ZNF98: variants seen among roughly 807,000 people sequenced by gnomAD.
The protein encoded by ZNF98 is zinc finger protein 739.
ZNF98 carries 8 observed loss-of-function variants against 12.8 expected under a neutral mutation model. That is an observed-to-expected ratio of 0.63 (90% confidence interval 0.37 to 1.13). The LOEUF (loss-of-function observed/expected upper bound fraction) is 1.13, where lower values mean the gene tolerates loss of function less well. ZNF98 is among the 50% of genes most tolerant of loss of function. ZNF98 has a pLI of 0.01. For missense variants in ZNF98, 379 were observed against 666.1 expected, an observed-to-expected ratio of 0.57 and a Z score of 4.74; for synonymous variants, 112 against 223.5, an observed-to-expected ratio of 0.50 and a Z score of 4.45.
rs1181636522 is a variant in ZNF98, at chr19:22,391,071, A to G, written c.*445T>C. The G allele has an allele frequency of 1.3e-5, 2 of 155,732 alleles. No individual in the cohort carries two copies. The highest frequency in any genetic ancestry group is 4.8e-5 in the African/African-American group (2 of 41,522). The allele number at this position is 155,732 out of a possible 1,614,324, so 9.6% of individuals were successfully genotyped here. On this transcript the variant is annotated 3_prime_UTR_variant, in exon 4 of 4. Transcript: ENST00000357774. ...TTTACAGGGTTTTTCTTTGATATAA[A>G]TTCTCTGATGTTGAACAAAGTTTGA...
At chr19:22,417,707 C>T (rs1478595242) in intron 1 of ZNF98, among the ~76,000 whole-genome samples, 6 of 152,038 alleles carry the variant, frequency 3.9e-5, no homozygotes, top group Admixed American at 1.3e-4. Context: ...CTTGTAGACA[C>T]TTTTGTAGGT....
rs1969564977 is a variant in ZNF98, at chr19:22,410,101, A to G, written c.31-6589T>C. On this transcript the variant is annotated intron_variant, in intron 1 of 3. Transcript: ENST00000357774. ...TGGTAATTATTAAAAAGTCAGAAAC[A>G]ATAGATGCTGGTGAGGCTGTGAAGA... is the stretch of plus-strand genomic sequence containing the variant. 2.6e-5 allele frequency among the ~76,000 whole-genome samples: 4 copies of G among 152,260 alleles called. No homozygotes were observed. In the South Asian group the frequency reaches 8.3e-4, roughly 32 times the overall value.
intron 1 of ZNF98, among the ~76,000 whole-genome samples, chr19:22,411,349 T>C (rs1568295493): frequency 6.6e-6 from 1 of 152,226 alleles, no homozygotes; most frequent in Non-Finnish European, 1.5e-5. Flanking sequence ...TGCTTTTGCA[T>C]TGTAAGTACT....
chr19:22,399,915 A>C (rs1293669261), intron 3 of ZNF98, among the ~76,000 whole-genome samples: 2 of 152,208 alleles, frequency 1.3e-5, no homozygotes, highest in African/African-American at 4.8e-5. Flanking sequence ...GTCATGTAGC[A>C]AGAACCCATC....
At chr19:22,414,413 G>A (rs758376842) in intron 1 of ZNF98, among the ~76,000 whole-genome samples, 14 of 151,860 alleles carry the variant, frequency 9.2e-5, no homozygotes, top group Non-Finnish European at 2.1e-4. Context: ...ATGGTACCAA[G>A]AAAGGGCCCA....
At chr19:22,398,433 A>G (rs1343262084) in intron 3 of ZNF98, among the ~76,000 whole-genome samples, 5 of 151,574 alleles carry the variant, frequency 3.3e-5, no homozygotes, top group Admixed American at 2.0e-4. Flanking sequence ...TGGCACAATT[A>G]CAGCTCACTG....
At chr19:22,418,293 C>A (rs1269439072) in intron 1 of ZNF98, among the ~76,000 whole-genome samples, 4 of 151,920 alleles carry the variant, frequency 2.6e-5, no homozygotes, top group African/African-American at 9.7e-5. Flanking sequence ...GAGCTACTCG[C>A]AGAACTCAGC....
chr19:22,417,484 G>A (rs1424491309), intron 1 of ZNF98, among the ~76,000 whole-genome samples: 1 of 152,174 alleles, frequency 6.6e-6, no homozygotes, highest in Non-Finnish European at 1.5e-5. Context: ...AAGTTAAAAA[G>A]AATAAAAATC....
At chr19:22,406,319 G>A (rs1969518075) in intron 1 of ZNF98, among the ~76,000 whole-genome samples, 1 of 151,950 alleles carries the variant, frequency 6.6e-6, no homozygotes, top group Non-Finnish European at 1.5e-5. Context: ...ATCTCCAGGT[G>A]CAGGAGTGAA....
chr19:22,404,757 A>G (rs1450366319), intron 1 of ZNF98, among the ~76,000 whole-genome samples: 1 of 152,224 alleles, frequency 6.6e-6, no homozygotes, highest in Non-Finnish European at 1.5e-5. Flanking sequence ...TAGTGATTTT[A>G]AGTAGTCTTT....
chr19:22,403,114 G>A (rs951208268), intron 2 of ZNF98, among the ~76,000 whole-genome samples: 2 of 151,924 alleles, frequency 1.3e-5, no homozygotes, highest in African/African-American at 4.8e-5. Flanking sequence ...ATTTTAAGAT[G>A]TGGGCAACAG....
chr19:22,415,929 C>T (rs1417044191), intron 1 of ZNF98, among the ~76,000 whole-genome samples: 1 of 97,162 alleles, frequency 1.0e-5, no homozygotes, highest in Non-Finnish European at 2.1e-5. Context: ...CCCGTTCCTA[C>T]TTAAAAAAAA....
intron 1 of ZNF98, among the ~76,000 whole-genome samples, chr19:22,416,327 G>A (rs1022391865): frequency 5.0e-4 from 76 of 151,770 alleles, no homozygotes; most frequent in African/African-American, 1.7e-3. Flanking sequence ...AAAATTAGCC[G>A]GGCGTGGTGG....
At chr19:22,395,178 GAAAAAA>G (rs71180538) in intron 3 of ZNF98, among the ~76,000 whole-genome samples, 5 of 99,874 alleles carry the variant, frequency 5.0e-5, no homozygotes, top group Non-Finnish European at 7.7e-5. Flanking sequence ...GTTTCAAAAA[GAAAAAA>G]AAAAAAAAAA....
chr19:22,413,905 A>G (rs1969609149), intron 1 of ZNF98, among the ~76,000 whole-genome samples: 1 of 148,544 alleles, frequency 6.7e-6, no homozygotes, highest in African/African-American at 2.6e-5. Context: ...CAGAGATGAC[A>G]CAAACAAATG....
chr19:22,422,111 G>A lies in ZNF98; in HGVS notation c.30+84C>T, dbSNP rs1969711266. 1.8e-5 allele frequency: 28 copies of A among 1,546,668 alleles called. 1 individual carries two copies. In the South Asian group the frequency reaches 2.2e-4, roughly 12 times the overall value. On this transcript the variant is annotated intron_variant, in intron 1 of 3. Transcript: ENST00000357774. ...CGGATTGTGGAGCTGACAGCGGGGA[G>A]GCCTGAGTCCCGCCACAGCCTCTTC...
At chr19:22,399,504 G>A (rs1969433540) in intron 3 of ZNF98, among the ~76,000 whole-genome samples, 1 of 152,128 alleles carries the variant, frequency 6.6e-6, no homozygotes, top group Non-Finnish European at 1.5e-5. Context: ...CAGGGCCTCT[G>A]ATATATAAAA....
At position 22,392,979 on chromosome 19, in the gene ZNF98, C is replaced by T. The variant is rs200364884; in HGVS notation, c.256G>A (p.Val86Ile). Residue 86 changes from valine (V) to isoleucine (I), a missense_variant and splice_region_variant, in exon 4 of 4, where the codon GTA becomes ATA. This residue lies in a region of ZNF98 where 223 missense variants were observed against 261.6 expected (regional missense o/e 0.85). Transcript: ENST00000357774. ...RHEMVTEPPV[V>I]YSYFAQDLWP... ...AGGTCTTGGGCAAAATAAGAATATA[C>T]AACTGAAAGAAATAAAAATAATAAA... 4 of 1,500,504 alleles carry T rather than the reference C, an allele frequency of 2.7e-6. No homozygotes were observed. The highest frequency in any genetic ancestry group is 3.5e-6 in the Non-Finnish European group (4 of 1,129,340). 92.9% of individuals were successfully genotyped at this position (1,500,504 alleles called of 1,614,324 possible). A position where few individuals can be genotyped will look rare whatever the true frequency, so the allele number is the denominator to read the frequency against.
intron 3 of ZNF98, among the ~76,000 whole-genome samples, chr19:22,401,483 G>C (rs752823286): frequency 7.5e-6 from 1 of 134,018 alleles, no homozygotes; most frequent in Non-Finnish European, 1.6e-5. Context: ...TTGATTGAAA[G>C]AATTTTTTTT....
Sources: allele counts gnomAD v4.1 joint callset (sites outside exome capture counted in the v4.1 genomes callset), GRCh38; gene constraint gnomAD v4.1.1; regional missense constraint gnomAD v4.1.1; transcripts MANE v1.5; gene names NCBI Gene and HGNC (gene_info 2026-07-23, HGNC 2026-07-21).